The following RFX6 variants were observed in gnomAD, a reference collection of about 807,000 sequenced individuals.
RFX6 encodes regulatory factor X6, also known as DNA-binding protein RFX6.
A neutral mutation model predicts 110.8 loss-of-function variants in RFX6; 50 were observed. That is an observed-to-expected ratio of 0.45 (90% CI 0.36 to 0.57). The LOEUF (loss-of-function observed/expected upper bound fraction) is 0.57. Ranked by LOEUF, RFX6 falls within the 20% of genes least tolerant of loss-of-function variation. RFX6 has a pLI of 0.00. For synonymous variants in RFX6, 383 were observed against 411.2 expected, an observed-to-expected ratio of 0.93 and a Z score of 0.83; for missense variants, 990 against 1,127.0, an observed-to-expected ratio of 0.88 and a Z score of 1.74.
At chr6:116,924,126 T>C (rs1775659790) in intron 14 of RFX6, among the ~76,000 whole-genome samples, 1 of 152,212 alleles carries the variant, frequency 6.6e-6, no homozygotes, top group African/African-American at 2.4e-5. Context: ...ATCTATTGAA[T>C]AGTTAAAAGA....
intron 4 of RFX6, among the ~76,000 whole-genome samples, chr6:116,893,538 A>G (rs1301597111): frequency 6.6e-6 from 1 of 152,176 alleles, no homozygotes; most frequent in Non-Finnish European, 1.5e-5. Flanking sequence ...GTAAAGGGTC[A>G]CATGTTTCAT....
chr6:116,930,611 G>T (rs1056918206), intron 18 of RFX6, among the ~76,000 whole-genome samples: 1 of 152,170 alleles, frequency 6.6e-6, no homozygotes, highest in Non-Finnish European at 1.5e-5. Flanking sequence ...TCCTGAGGCA[G>T]AAACATTTGA....
intron 4 of RFX6, among the ~76,000 whole-genome samples, chr6:116,888,232 T>C (rs1239776019): frequency 6.6e-6 from 1 of 152,138 alleles, no homozygotes; most frequent in Non-Finnish European, 1.5e-5. Flanking sequence ...AGAAGAAATA[T>C]AGATGCAAGT....
chr6:116,925,448 T>C lies in RFX6; in HGVS notation c.1679-5T>C, dbSNP rs371997296. 4 of 1,612,304 alleles carry C rather than the reference T, an allele frequency of 2.5e-6. No individual in the cohort carries two copies. The African/African-American group carries it at 4.0e-5, about 16-fold the overall frequency. ...CAAATTTCCCATTTTAAAAACTCTT[T>C]CCAGATGCGAGTAAAGCTGCTTTCA... On this transcript the variant is annotated splice_polypyrimidine_tract_variant and splice_region_variant and intron_variant, in intron 15 of 18. Coordinates refer to ENST00000332958, the MANE Select transcript of RFX6 (RefSeq NM_173560.4).
chr6:116,897,359 C>T (rs1774972071), intron 6 of RFX6, among the ~76,000 whole-genome samples: 1 of 152,138 alleles, frequency 6.6e-6, no homozygotes, highest in African/African-American at 2.4e-5. Context: ...CAGACCCCCA[C>T]CCCCTTGTCG....
intron 11 of RFX6, among the ~76,000 whole-genome samples, chr6:116,919,879 G>C (rs2114696746): frequency 6.6e-6 from 1 of 152,242 alleles, no homozygotes; most frequent in African/African-American, 2.4e-5. Context: ...CTTTATGAAG[G>C]TTTCTTGCCT....
At chr6:116,878,066 TA>T in intron 2 of RFX6, 114 bp downstream of exon 2, 1 of 1,122,476 alleles carries the variant, frequency 8.9e-7, no homozygotes, top group Non-Finnish European at 1.3e-6. Flanking sequence ...TGGGAAAGTT[TA>T]AAAAACCAAT....
At chr6:116,889,084 A>G (rs1239603468) in intron 4 of RFX6, among the ~76,000 whole-genome samples, 3 of 152,182 alleles carry the variant, frequency 2.0e-5, no homozygotes, top group Non-Finnish European at 4.4e-5. Context: ...TACAGTGGTC[A>G]TTGCAAAATA....
chr6:116,896,030 C>T (rs1774937523), intron 6 of RFX6, among the ~76,000 whole-genome samples: 1 of 152,176 alleles, frequency 6.6e-6, no homozygotes, highest in Non-Finnish European at 1.5e-5. Flanking sequence ...TATAAATCCT[C>T]CAGATTGCTC....
intron 6 of RFX6, among the ~76,000 whole-genome samples, chr6:116,908,681 CACACACAG>C (rs1277863767): frequency 0.023 from 2,005 of 88,060 alleles, 41 homozygotes; most frequent in African/African-American, 0.061. Context: ...CACACACACA[CACACACAG>C]ACACACACAC....
chr6:116,917,915 G>T, intron 9 of RFX6, 122 bp from the exon 10 acceptor site: 1 of 692,558 alleles, frequency 1.4e-6, no homozygotes, highest in Non-Finnish European at 2.6e-6. Context: ...TTATAACTTT[G>T]AGAAAGGAGT....
chr6:116,919,025 C>T, intron 10 of RFX6, 112 bp from the exon 11 acceptor site: 2 of 996,774 alleles, frequency 2.0e-6, no homozygotes, highest in Admixed American at 1.9e-5. Flanking sequence ...GGCTGTCTGA[C>T]TTCAAAAGTA....
intron 3 of RFX6, among the ~76,000 whole-genome samples, chr6:116,882,088 A>C (rs1041172290): frequency 6.6e-6 from 1 of 152,108 alleles, no homozygotes; most frequent in African/African-American, 2.4e-5. Flanking sequence ...TAAAGTAATA[A>C]TTGCTTTGGT....
intron 6 of RFX6, among the ~76,000 whole-genome samples, chr6:116,897,562 G>T (rs954196017): frequency 1.3e-5 from 2 of 152,128 alleles, no homozygotes; most frequent in Non-Finnish European, 2.9e-5. Context: ...ATTCTGTAAT[G>T]GGAAGCCACT....
chr6:116,878,796 A>C (rs1774524191), intron 2 of RFX6, among the ~76,000 whole-genome samples: 1 of 151,848 alleles, frequency 6.6e-6, no homozygotes, highest in African/African-American at 2.4e-5. Flanking sequence ...GCCTTAGAAA[A>C]ATACAAGATA....
chr6:116,924,092 T>C (rs1775659042), intron 14 of RFX6, among the ~76,000 whole-genome samples: 1 of 152,214 alleles, frequency 6.6e-6, no homozygotes, highest in Non-Finnish European at 1.5e-5. Flanking sequence ...CTGGCCTTAC[T>C]ACGAAAAATA....
In RFX6 at chr6:116,931,224, T is replaced by A. The variant is rs79818388; in HGVS notation, c.2612-107T>A. The A allele has an allele frequency of 3.6e-3, 2,986 of 830,650 alleles. 13 individuals carry two copies. Among genetic ancestry groups the A allele is most frequent in the Middle Eastern group, 0.013 (40 of 2,968 alleles). The allele number at this position is 830,650 out of a possible 1,614,324, so 51.5% of individuals were successfully genotyped here. ...TACAGACTCAAATTTAGAATAGGTA[T>A]GTGTGCTAAGTGCAAAAATAAATAC... On this transcript the variant is annotated intron_variant, in intron 18 of 18. Coordinates refer to ENST00000332958, the MANE Select transcript of RFX6 (RefSeq NM_173560.4).
rs1282496500 is a variant in RFX6, at chr6:116,927,308, G to A, written c.2167G>A (p.Glu723Lys). 2.5e-6 allele frequency: 4 copies of A among 1,614,158 alleles called. No individual in the cohort carries two copies. The highest frequency in any genetic ancestry group is 1.1e-5 in the South Asian group (1 of 91,070). The part of the protein sequence containing the change: ...STSGLYPHHT[E>K]HGRCMAWTEQ... Reference sequence around the variant, plus strand: ...ATCAGGACTCTATCCTCATCACACCGAGCATGGTCGATGCATGGCTTGGAC... The same window carrying A: ...ATCAGGACTCTATCCTCATCACACCAAGCATGGTCGATGCATGGCTTGGAC... The change falls in exon 17 of 19, where the codon GAG (glutamate) becomes AAG (lysine). Residue 723 changes from glutamate to lysine, a missense_variant. Transcript: ENST00000332958.
chr6:116,897,759 G>A (rs1399847724), intron 6 of RFX6, among the ~76,000 whole-genome samples: 1 of 152,164 alleles, frequency 6.6e-6, no homozygotes, highest in Non-Finnish European at 1.5e-5. Flanking sequence ...ACTGATTTTA[G>A]TTGGGAAATA....
Sources: allele counts gnomAD v4.1 joint callset (sites outside exome capture counted in the v4.1 genomes callset), GRCh38; gene constraint gnomAD v4.1.1; transcripts MANE v1.5; gene names NCBI Gene and HGNC (gene_info 2026-07-23, HGNC 2026-07-21).